The following TEKT5 variants were observed in gnomAD, a reference collection of about 807,000 sequenced individuals.
The protein encoded by TEKT5 is tektin 5.
Under a neutral mutation model 48.7 loss-of-function variants are expected in TEKT5, and 52 were observed. The ratio of observed to expected loss-of-function variants is 1.07; its 90% CI spans 0.86 to 1.35. The LOEUF is 1.35. TEKT5 is among the 40% of genes most tolerant of loss of function. TEKT5 has a pLI of 0.00. For synonymous variants in TEKT5, 318 were observed against 267.6 expected, an observed-to-expected ratio of 1.19 and a Z score of -1.84; for missense variants, 831 against 641.6, an observed-to-expected ratio of 1.30 and a Z score of -3.19.
chr16:10,681,952 T>G (rs927212045), intron 4 of TEKT5, 41 bp downstream of exon 4: 12 of 1,603,254 alleles, frequency 7.5e-6, no homozygotes, highest in Non-Finnish European at 8.5e-6. Context: ...CTCACTCCAG[T>G]TGGACACGCC....
intron 6 of TEKT5, among the ~76,000 whole-genome samples, chr16:10,634,451 G>A (rs1897884946): frequency 6.6e-6 from 1 of 152,116 alleles, no homozygotes; most frequent in Non-Finnish European, 1.5e-5. Flanking sequence ...TGCAGAATAA[G>A]GTTTATGGAG....
At chr16:10,675,189 T>C (rs1376999833) in intron 5 of TEKT5, among the ~76,000 whole-genome samples, 1 of 152,138 alleles carries the variant, frequency 6.6e-6, no homozygotes, top group Non-Finnish European at 1.5e-5. Context: ...TTGACTATCA[T>C]CCAAGTTCTT....
At chr16:10,685,537 T>G (rs1213952638) in intron 3 of TEKT5, among the ~76,000 whole-genome samples, 1 of 152,148 alleles carries the variant, frequency 6.6e-6, no homozygotes, top group Admixed American at 6.5e-5. Flanking sequence ...CCGCAAGTGA[T>G]CCACCCACCT....
At chr16:10,657,415 A>G (rs908288123) in intron 5 of TEKT5, among the ~76,000 whole-genome samples, 1 of 152,152 alleles carries the variant, frequency 6.6e-6, no homozygotes, top group African/African-American at 2.4e-5. Flanking sequence ...GGCATGAGCC[A>G]CCATGCCCGG....
At chr16:10,649,542 C>T (rs1898120851) in intron 5 of TEKT5, among the ~76,000 whole-genome samples, 1 of 151,986 alleles carries the variant, frequency 6.6e-6, no homozygotes, top group South Asian at 2.1e-4. Flanking sequence ...TCAAGTGATC[C>T]TCCCACCTCA....
chr16:10,692,477 A>C (rs1257729865), intron 1 of TEKT5: 1 of 152,266 alleles, frequency 6.6e-6, no homozygotes, highest in African/African-American at 2.4e-5. Flanking sequence ...TCCAGGGAGC[A>C]GCCGATCATC....
chr16:10,670,988 T>C (rs1443521666), intron 5 of TEKT5, among the ~76,000 whole-genome samples: 1 of 152,138 alleles, frequency 6.6e-6, no homozygotes, highest in Non-Finnish European at 1.5e-5. Context: ...CACTGCAGCA[T>C]CAAACTCCGG....
chr16:10,689,891 TG>T (rs763586469), intron 2 of TEKT5, 50 bp downstream of exon 2: 5 of 1,586,534 alleles, frequency 3.2e-6, no homozygotes, highest in Non-Finnish European at 4.3e-6. Flanking sequence ...TCTGACCTGC[TG>T]GCCTTCCCGC....
intron 1 of TEKT5, among the ~76,000 whole-genome samples, chr16:10,692,381 G>C (rs1898995301): frequency 6.6e-6 from 1 of 152,072 alleles, no homozygotes; most frequent in Non-Finnish European, 1.5e-5. Context: ...TGTCTCCCAG[G>C]GAGATCCGGA....
chr16:10,649,010 C>T (rs1169746751), intron 5 of TEKT5, among the ~76,000 whole-genome samples: 1 of 152,108 alleles, frequency 6.6e-6, no homozygotes, highest in Non-Finnish European at 1.5e-5. Context: ...AGTGCAATGG[C>T]ATGATCATGG....
At chr16:10,679,559 C>A (rs1006466347) in intron 4 of TEKT5, among the ~76,000 whole-genome samples, 6 of 151,966 alleles carry the variant, frequency 3.9e-5, no homozygotes, top group Non-Finnish European at 1.5e-5. Context: ...CAGACAGTCA[C>A]CAAACGTCCT....
intron 5 of TEKT5, among the ~76,000 whole-genome samples, chr16:10,655,984 A>T (rs1567229176): frequency 6.6e-6 from 1 of 152,236 alleles, no homozygotes; most frequent in Non-Finnish European, 1.5e-5. Context: ...GTTGTCATAT[A>T]TGACCAAAGA....
intron 5 of TEKT5, among the ~76,000 whole-genome samples, chr16:10,644,087 T>C (rs1490462186): frequency 1.3e-5 from 2 of 152,162 alleles, no homozygotes; most frequent in Non-Finnish European, 2.9e-5. Context: ...CATTTTTCGC[T>C]TTTTCAAGCA....
chr16:10,650,677 A>G (rs1898141135), intron 5 of TEKT5, among the ~76,000 whole-genome samples: 1 of 151,822 alleles, frequency 6.6e-6, no homozygotes, highest in South Asian at 2.1e-4. Flanking sequence ...TGAGGTCAGG[A>G]GTTCGAGACC....
chr16:10,632,659 T>C (rs79037413), intron 6 of TEKT5, among the ~76,000 whole-genome samples: 16 of 151,826 alleles, frequency 1.1e-4, no homozygotes, highest in Admixed American at 2.6e-4. Context: ...ACCCTAGTGA[T>C]TGGAGTAGGT....
intron 3 of TEKT5, among the ~76,000 whole-genome samples, chr16:10,685,814 T>C (rs1898853791): frequency 6.6e-6 from 1 of 152,148 alleles, no homozygotes; most frequent in African/African-American, 2.4e-5. Context: ...TCTGGGACTG[T>C]CTCCATCTGT....
intron 5 of TEKT5, among the ~76,000 whole-genome samples, chr16:10,639,869 T>C (rs567530789): frequency 1.4e-4 from 22 of 152,330 alleles, no homozygotes; most frequent in African/African-American, 5.1e-4. Flanking sequence ...GTGTCCCCTC[T>C]GCATCTGCAT....
chr16:10,665,627 G>A (rs1178429330), intron 5 of TEKT5, among the ~76,000 whole-genome samples: 2 of 152,104 alleles, frequency 1.3e-5, no homozygotes, highest in African/African-American at 4.8e-5. Context: ...CTGATAAGCT[G>A]TGACACAGTC....
At chr16:10,653,304 C>G (rs55945264) in intron 5 of TEKT5, among the ~76,000 whole-genome samples, 1 of 152,186 alleles carries the variant, frequency 6.6e-6, no homozygotes, top group Admixed American at 6.5e-5. Context: ...GACGGCTCAC[C>G]TCACTCCCTT....
Sources: allele counts gnomAD v4.1 joint callset (sites outside exome capture counted in the v4.1 genomes callset), GRCh38; gene constraint gnomAD v4.1.1; transcripts MANE v1.5; gene names NCBI Gene and HGNC (gene_info 2026-07-23, HGNC 2026-07-21).